Variants in ASTN1 observed in about 807,000 individuals in gnomAD.
ASTN1 encodes the protein astrotactin 1.
Under a neutral mutation model 140.7 loss-of-function variants are expected in ASTN1, and 41 were observed. The ratio of observed to expected loss-of-function variants is 0.29; its 90% CI spans 0.23 to 0.38. The LOEUF (loss-of-function observed/expected upper bound fraction) is 0.38. Among genes scored for constraint, ASTN1 ranks in the 10% least tolerant of loss-of-function variants. The probability of loss-of-function intolerance (pLI) is 1.00; values close to 1 mark genes in which losing one functional copy is unlikely to be tolerated. For synonymous variants in ASTN1, 640 were observed against 652.2 expected (o/e 0.98, Z 0.29); for missense variants, 1,479 against 1,678.8 (o/e 0.88, Z 2.08).
chr1:176,942,822 A>ATATATATATC (rs1671782339), intron 14 of ASTN1, among the ~76,000 whole-genome samples: 1 of 21,632 alleles, frequency 4.6e-5, no homozygotes, highest in Non-Finnish European at 1.2e-4. Context: ...GTGTGTGTGT[A>ATATATATATC]TATATATATA....
At chr1:176,897,807 C>T (rs1669585891) in intron 16 of ASTN1, among the ~76,000 whole-genome samples, 1 of 152,090 alleles carries the variant, frequency 6.6e-6, no homozygotes, top group African/African-American at 2.4e-5. Context: ...TAACCCCTAC[C>T]CCCAATATCC....
At chr1:177,045,585 C>G (rs147094195) in intron 2 of ASTN1, among the ~76,000 whole-genome samples, 1 of 152,086 alleles carries the variant, frequency 6.6e-6, no homozygotes, top group Non-Finnish European at 1.5e-5. Context: ...TGAGGATGCT[C>G]AAATGCAAGG....
chr1:177,023,706 C>G, intron 6 of ASTN1, 135 bp from the exon 7 acceptor site: 2 of 1,029,812 alleles, frequency 1.9e-6, no homozygotes, highest in East Asian at 3.1e-5. Flanking sequence ...CCTAGCCCAT[C>G]ATTAGCCCCA....
intron 22 of ASTN1, among the ~76,000 whole-genome samples, chr1:176,865,341 G>T (rs575256484): frequency 4.0e-4 from 61 of 152,312 alleles, no homozygotes; most frequent in African/African-American, 1.3e-3. Context: ...AGAGCCTCTG[G>T]CATCCAGCTT....
At chr1:176,962,209 G>C (rs1276118717) in intron 9 of ASTN1, among the ~76,000 whole-genome samples, 1 of 152,240 alleles carries the variant, frequency 6.6e-6, no homozygotes, top group South Asian at 2.1e-4. Flanking sequence ...GTGGAAAGGA[G>C]TGATCCTAGC....
chr1:177,071,626 G>T (rs192149639), intron 1 of ASTN1, among the ~76,000 whole-genome samples: 3 of 152,258 alleles, frequency 2.0e-5, no homozygotes, highest in Admixed American at 2.0e-4. Context: ...AACAGCCAGG[G>T]AGCCCAAGCT....
At chr1:176,970,535 G>A (rs1036138533) in intron 8 of ASTN1, among the ~76,000 whole-genome samples, 2 of 152,102 alleles carry the variant, frequency 1.3e-5, no homozygotes, top group African/African-American at 4.8e-5. Context: ...GCCATCCAGG[G>A]AAAGGGAGAA....
In ASTN1 at chr1:177,065,060, T is replaced by C. The variant is rs12067590; in HGVS notation, c.284-3795A>G. Reference sequence around the variant, plus strand: ...CTGCCATGAGGCTCGCAAAAGCAAATTTGGGAGGTGATAGTTACGCCTGCC... The same window carrying C: ...CTGCCATGAGGCTCGCAAAAGCAAACTTGGGAGGTGATAGTTACGCCTGCC... On this transcript the variant is annotated intron_variant, in intron 1 of 22. Coordinates refer to ENST00000361833, the MANE Select transcript of ASTN1 (RefSeq NM_004319.3). Among the ~76,000 whole-genome samples, 581 of 152,264 alleles carry C rather than the reference T, an allele frequency of 3.8e-3. 3 individuals are homozygous for C. Among genetic ancestry groups the C allele is most frequent in the African/African-American group, 0.013 (557 of 41,542 alleles).
At chr1:177,036,824 T>G (rs1676742125) in intron 2 of ASTN1, among the ~76,000 whole-genome samples, 1 of 152,080 alleles carries the variant, frequency 6.6e-6, no homozygotes, top group South Asian at 2.1e-4. Context: ...TTTTTTTTCT[T>G]TTTTTCTTTT....
chr1:176,866,980 C>T (rs940554416), intron 22 of ASTN1, among the ~76,000 whole-genome samples: 2 of 152,174 alleles, frequency 1.3e-5, no homozygotes, highest in Non-Finnish European at 2.9e-5. Context: ...TTATTTCCTG[C>T]AGACTAATGA....
chr1:176,957,964 T>C, intron 10 of ASTN1, 136 bp from the exon 11 acceptor site: 1 of 1,159,534 alleles, frequency 8.6e-7, no homozygotes. Flanking sequence ...AGATCAACTA[T>C]ACTCCAAGCC....
chr1:177,106,429 C>G (rs909485622), intron 1 of ASTN1, among the ~76,000 whole-genome samples: 2 of 152,120 alleles, frequency 1.3e-5, no homozygotes, highest in Non-Finnish European at 2.9e-5. Context: ...TTCCTAAGTC[C>G]TGGCTTTCAG....
intron 2 of ASTN1, among the ~76,000 whole-genome samples, chr1:177,045,674 C>T (rs1397496784): frequency 2.0e-5 from 3 of 152,202 alleles, no homozygotes; most frequent in African/African-American, 7.2e-5. Context: ...CTCACTCTAG[C>T]TCCTACCTTT....
chr1:176,933,419 T>C (rs910112688), intron 16 of ASTN1, among the ~76,000 whole-genome samples: 5 of 152,368 alleles, frequency 3.3e-5, no homozygotes, highest in East Asian at 1.9e-4. Flanking sequence ...CTCATCAGAA[T>C]GCCATGTGGA....
At chr1:176,884,972 G>A (rs780582095) in intron 18 of ASTN1, among the ~76,000 whole-genome samples, 7 of 152,142 alleles carry the variant, frequency 4.6e-5, no homozygotes, top group South Asian at 2.1e-4. Context: ...AGGATCTGCC[G>A]TGCTGGTGGG....
chr1:176,871,618 T>G (rs1668346801), intron 21 of ASTN1, among the ~76,000 whole-genome samples: 1 of 152,184 alleles, frequency 6.6e-6, no homozygotes, highest in Non-Finnish European at 1.5e-5. Context: ...TTGGGTGTGC[T>G]TAAGAGCCCA....
At chr1:176,880,698 G>A (rs1230926786) in intron 20 of ASTN1, among the ~76,000 whole-genome samples, 3 of 152,146 alleles carry the variant, frequency 2.0e-5, no homozygotes, top group Admixed American at 2.0e-4. Flanking sequence ...TGGATCCCAG[G>A]TGCAGAGCCA....
chr1:176,896,806 C>T (rs988045981), intron 16 of ASTN1, among the ~76,000 whole-genome samples: 2 of 152,138 alleles, frequency 1.3e-5, no homozygotes, highest in Non-Finnish European at 2.9e-5. Context: ...AAAGATCCAG[C>T]CTATCAAGCA....
At chr1:177,106,419 T>C (rs1680546132) in intron 1 of ASTN1, among the ~76,000 whole-genome samples, 1 of 152,146 alleles carries the variant, frequency 6.6e-6, no homozygotes, top group East Asian at 1.9e-4. Context: ...TTTGTAACTT[T>C]TCCTAAGTCC....
Sources: gnomAD v4.1 joint callset for allele counts (sites outside exome capture counted in the v4.1 genomes callset) on GRCh38, gnomAD v4.1.1 for gene constraint, MANE v1.5 for transcripts, NCBI Gene and HGNC (gene_info 2026-07-23, HGNC 2026-07-21) for gene names.